Variants in CNKSR2 observed in about 807,000 individuals in gnomAD.
CNKSR2 encodes connector enhancer of kinase suppressor of Ras 2.
CNKSR2 carries 14 observed loss-of-function variants against 84.4 expected under a neutral mutation model. That is an observed-to-expected ratio of 0.17 (90% CI 0.11 to 0.26). CNKSR2 has a LOEUF of 0.26. Among genes scored for constraint, CNKSR2 ranks in the 10% least tolerant of loss-of-function variants. The pLI, the probability that CNKSR2 is intolerant of heterozygous loss-of-function variation, is 1.00. For synonymous variants in CNKSR2, 275 were observed against 277.9 expected (o/e 0.99, Z 0.10); for missense variants, 485 against 771.2 (o/e 0.63, Z 4.40).
At chrX:21,625,872 G>GTTA in intron 20 of CNKSR2, among the ~76,000 whole-genome samples, 1 of 111,778 alleles carries the variant, frequency 8.9e-6, no homozygotes, top group Non-Finnish European at 1.9e-5. Flanking sequence ...TCAGTGTTCA[G>GTTA]CTTGTACCCG....
At position 21,497,865 on chromosome X, in the gene CNKSR2, C is replaced by G. The variant is rs1415175532; in HGVS notation, c.741+19C>G. Reference sequence around the variant, plus strand: ...AGAAAATGTAAGTATTCTAACCTTTCAAATTTTTAAGTGTGTTTTTCCCTT... The same window carrying G: ...AGAAAATGTAAGTATTCTAACCTTTGAAATTTTTAAGTGTGTTTTTCCCTT... On this transcript the variant is annotated intron_variant, in intron 7 of 21. Transcript: ENST00000379510. The G allele has an allele frequency of 5.2e-6, 4 of 762,213 alleles. No individual in the cohort carries two copies. In the Admixed American group the frequency reaches 9.2e-5, roughly 18 times the overall value. The allele number at this position is 762,213 out of a possible 1,213,427, so 62.8% of individuals were successfully genotyped here. A position where few individuals can be genotyped will look rare whatever the true frequency, so the allele number is the denominator to read the frequency against.
At chrX:21,559,963 T>G (rs1212012481) in intron 11 of CNKSR2, among the ~76,000 whole-genome samples, 1 of 111,759 alleles carries the variant, frequency 8.9e-6, no homozygotes, top group Non-Finnish European at 1.9e-5. Context: ...ATTGATACTT[T>G]TTCCTTAAGA....
chrX:21,544,830 A>G (rs113794828), intron 11 of CNKSR2, among the ~76,000 whole-genome samples: 1,359 of 111,312 alleles, frequency 0.012, 21 homozygotes, highest in African/African-American at 0.042. Context: ...ATGAGGGACT[A>G]TGCCATGAGG....
intron 13 of CNKSR2, among the ~76,000 whole-genome samples, chrX:21,569,210 GTTA>G (rs751091035): frequency 2.1e-3 from 236 of 110,275 alleles, no homozygotes; most frequent in African/African-American, 6.9e-3. Context: ...CCTTCAGCAA[GTTA>G]TTATTATTAT....
intron 20 of CNKSR2, among the ~76,000 whole-genome samples, chrX:21,623,398 C>T (rs112257709): frequency 8.4e-4 from 94 of 111,548 alleles, no homozygotes; most frequent in African/African-American, 2.8e-3. Flanking sequence ...TTGCTGTAAT[C>T]TATCTAGTGC....
intron 15 of CNKSR2, chrX:21,592,113 G>T (rs191152110): frequency 6.4e-4 from 71 of 111,691 alleles, no homozygotes; most frequent in African/African-American, 2.3e-3. Flanking sequence ...ATGTTCCCTA[G>T]ACAGGTTATA....
chrX:21,511,898 A>G (rs766911779), intron 8 of CNKSR2, among the ~76,000 whole-genome samples: 69 of 110,410 alleles, frequency 6.2e-4, no homozygotes, highest in Non-Finnish European at 1.2e-3. Flanking sequence ...CACCTGTCCA[A>G]CTCCCAAGGA....
chrX:21,457,204 G>A (rs1405679905), intron 4 of CNKSR2, among the ~76,000 whole-genome samples: 1 of 111,309 alleles, frequency 9.0e-6, no homozygotes. Flanking sequence ...CTTTTGCTGT[G>A]CAGAAACTTT....
intron 9 of CNKSR2, among the ~76,000 whole-genome samples, chrX:21,517,958 C>T (rs1428221031): frequency 2.7e-5 from 3 of 111,298 alleles, no homozygotes; most frequent in African/African-American, 3.3e-5. Context: ...ACTTATTGGC[C>T]GTTGGCATTA....
At chrX:21,641,616 G>T in intron 20 of CNKSR2, 1 of 1,165,107 alleles carries the variant, frequency 8.6e-7, no homozygotes, top group Non-Finnish European at 1.1e-6. Context: ...TGGACTCACA[G>T]ATTGATAAGC....
At chrX:21,396,573 T>G (rs2090125021) in intron 1 of CNKSR2, among the ~76,000 whole-genome samples, 2 of 111,618 alleles carry the variant, frequency 1.8e-5, no homozygotes, top group Admixed American at 1.9e-4. Context: ...ACAGTTCTTG[T>G]GTCCGTTATT....
chrX:21,610,564 C>A, intron 20 of CNKSR2, among the ~76,000 whole-genome samples: 1 of 112,228 alleles, frequency 8.9e-6, no homozygotes, highest in Non-Finnish European at 1.9e-5. Context: ...GCAGTCTGGG[C>A]CAATTAGCGC....
chrX:21,550,395 A>G (rs897868890), intron 11 of CNKSR2, among the ~76,000 whole-genome samples: 2 of 112,218 alleles, frequency 1.8e-5, no homozygotes, highest in Admixed American at 1.9e-4. Flanking sequence ...TAGAATGGCG[A>G]TCATTAAAAA....
chrX:21,479,754 C>A (rs2091297112), intron 5 of CNKSR2, among the ~76,000 whole-genome samples: 1 of 110,090 alleles, frequency 9.1e-6, no homozygotes, highest in African/African-American at 3.3e-5. Context: ...TCCACAGTTG[C>A]CAGGCAAGTG....
chrX:21,427,083 G>C (rs144346770), intron 2 of CNKSR2: 4 of 129,784 alleles, frequency 3.1e-5, no homozygotes, highest in African/African-American at 1.3e-4. Context: ...TAAAAGGATG[G>C]CATCAGAAAT....
chrX:21,567,556 C>CAG (rs1236887151), intron 13 of CNKSR2, among the ~76,000 whole-genome samples: 23 of 111,820 alleles, frequency 2.1e-4, no homozygotes, highest in Admixed American at 2.0e-3. Context: ...ACCCTACCTC[C>CAG]TTCACTCCAG....
intron 13 of CNKSR2, among the ~76,000 whole-genome samples, chrX:21,577,338 T>G (rs908798693): frequency 7.2e-5 from 8 of 111,381 alleles, no homozygotes; most frequent in African/African-American, 2.6e-4. Context: ...CAATTAGTGA[T>G]GCACCATGTA....
intron 8 of CNKSR2, 69 bp downstream of exon 8, chrX:21,501,657 C>A: frequency 1.9e-6 from 1 of 520,766 alleles, no homozygotes; most frequent in East Asian, 4.0e-5. Context: ...TAAAAGAATG[C>A]CAATGAAATG....
chrX:21,469,320 A>T (rs1454679434), intron 4 of CNKSR2, among the ~76,000 whole-genome samples: 1 of 111,995 alleles, frequency 8.9e-6, no homozygotes, highest in Non-Finnish European at 1.9e-5. Flanking sequence ...CAGAAAGACA[A>T]GACCCAATTC....
Sources: allele counts gnomAD v4.1 joint callset (sites outside exome capture counted in the v4.1 genomes callset), GRCh38; gene constraint gnomAD v4.1.1; transcripts MANE v1.5; gene names NCBI Gene and HGNC (gene_info 2026-07-23, HGNC 2026-07-21).